DACH1: variants seen among roughly 807,000 people sequenced by gnomAD.
DACH1 encodes the protein dachshund family transcription factor 1, also known as dachshund homolog 1.
A neutral mutation model predicts 54.2 loss-of-function variants in DACH1; 12 were observed. The ratio of observed to expected loss-of-function variants is 0.22; its 90% CI spans 0.14 to 0.36. DACH1 has a LOEUF of 0.36. Among genes scored for constraint, DACH1 ranks in the 10% least tolerant of loss-of-function variants. DACH1 has a pLI of 1.00. For synonymous variants in DACH1, 386 were observed against 366.2 expected (o/e 1.05, Z -0.62); for missense variants, 805 against 929.8 (o/e 0.87, Z 1.75).
At chr13:71,817,809 TC>T (rs1566520411) in intron 1 of DACH1, among the ~76,000 whole-genome samples, 6 of 135,662 alleles carry the variant, frequency 4.4e-5, no homozygotes, top group African/African-American at 1.7e-4. Context: ...TTTCTTTCTT[TC>T]TTCCTTTTTT....
intron 1 of DACH1, among the ~76,000 whole-genome samples, chr13:71,864,180 TACACACACACACAC>T (rs55651625): frequency 3.7e-5 from 4 of 108,426 alleles, no homozygotes; most frequent in South Asian, 6.6e-4. Flanking sequence ...CGCGCGCACA[TACACACACACACAC>T]ACACACACAC....
chr13:71,527,132 T>A (rs1882025350), intron 6 of DACH1, among the ~76,000 whole-genome samples: 1 of 151,894 alleles, frequency 6.6e-6, no homozygotes, highest in Non-Finnish European at 1.5e-5. Flanking sequence ...TTCAATATGT[T>A]TGCAAGATCA....
intron 1 of DACH1, among the ~76,000 whole-genome samples, chr13:71,809,188 T>C (rs1346876042): frequency 1.3e-5 from 2 of 152,146 alleles, no homozygotes; most frequent in Non-Finnish European, 1.5e-5. Flanking sequence ...AAAACAAATA[T>C]GTGAAAAGAA....
intron 10 of DACH1, among the ~76,000 whole-genome samples, chr13:71,452,940 G>A (rs1426672773): frequency 6.6e-6 from 1 of 152,134 alleles, no homozygotes; most frequent in African/African-American, 2.4e-5. Flanking sequence ...AAAACAAAAA[G>A]CAGAGCACAT....
At chr13:71,506,793 C>A (rs926164785) in intron 6 of DACH1, among the ~76,000 whole-genome samples, 1 of 151,814 alleles carries the variant, frequency 6.6e-6, no homozygotes, top group Non-Finnish European at 1.5e-5. Flanking sequence ...CTGAGAAAAA[C>A]AAGCAATGGG....
intron 1 of DACH1, among the ~76,000 whole-genome samples, chr13:71,691,373 G>A (rs1881468819): frequency 6.6e-6 from 1 of 152,116 alleles, no homozygotes; most frequent in African/African-American, 2.4e-5. Context: ...TTCACTATGT[G>A]ATCTAACTCT....
intron 1 of DACH1, among the ~76,000 whole-genome samples, chr13:71,683,468 C>A (rs1881009874): frequency 6.6e-6 from 1 of 152,046 alleles, no homozygotes; most frequent in Non-Finnish European, 1.5e-5. Flanking sequence ...TATGGATATA[C>A]AGGATTGTTT....
chr13:71,485,518 T>G (rs1276937938), intron 7 of DACH1, among the ~76,000 whole-genome samples: 1 of 149,012 alleles, frequency 6.7e-6, no homozygotes, highest in Non-Finnish European at 1.5e-5. Context: ...ACATAGGATT[T>G]TTTTTACAGG....
intron 1 of DACH1, among the ~76,000 whole-genome samples, chr13:71,718,529 T>C (rs1449554560): frequency 6.8e-6 from 1 of 147,806 alleles, no homozygotes; most frequent in Non-Finnish European, 1.5e-5. Context: ...TGAGCTATGA[T>C]CGCATCACTG....
At chr13:71,692,010 TACACACACACACAC>T (rs34800453) in intron 1 of DACH1, among the ~76,000 whole-genome samples, 2 of 140,030 alleles carry the variant, frequency 1.4e-5, no homozygotes, top group African/African-American at 2.6e-5. Flanking sequence ...AGCCCCCCAT[TACACACACACACAC>T]ACACACACAC....
At chr13:71,558,467 A>G (rs1408658675) in intron 5 of DACH1, among the ~76,000 whole-genome samples, 2 of 151,978 alleles carry the variant, frequency 1.3e-5, no homozygotes, top group Non-Finnish European at 2.9e-5. Context: ...CTAAAATAAC[A>G]TGAATGTATA....
intron 1 of DACH1, among the ~76,000 whole-genome samples, chr13:71,843,785 C>T (rs949173045): frequency 1.3e-5 from 2 of 152,200 alleles, no homozygotes; most frequent in African/African-American, 4.8e-5. Context: ...GTACATTGAA[C>T]CAAAGGAAAG....
intron 1 of DACH1, among the ~76,000 whole-genome samples, chr13:71,835,281 C>T (rs1005241683): frequency 6.6e-6 from 1 of 151,730 alleles, no homozygotes; most frequent in African/African-American, 2.4e-5. Context: ...GAGATGTATA[C>T]AAATACAAGA....
At chr13:71,698,875 G>A (rs974999262) in intron 1 of DACH1, among the ~76,000 whole-genome samples, 2 of 151,960 alleles carry the variant, frequency 1.3e-5, no homozygotes, top group African/African-American at 4.8e-5. Context: ...TTAAATCAGA[G>A]AAACACGGAA....
At chr13:71,829,044 C>G (rs73215271) in intron 1 of DACH1, among the ~76,000 whole-genome samples, 14,298 of 151,948 alleles carry the variant, frequency 0.094, 737 homozygotes, top group Non-Finnish European at 0.11. Context: ...CATTTATGTA[C>G]TAACGTAAGA....
chr13:71,487,324 T>C (rs573880221), intron 7 of DACH1, among the ~76,000 whole-genome samples: 1 of 152,292 alleles, frequency 6.6e-6, no homozygotes, highest in African/African-American at 2.4e-5. Flanking sequence ...GAGAGTATAT[T>C]AAATCTAGAG....
chr13:71,719,092 T>C (rs998116555), intron 1 of DACH1, among the ~76,000 whole-genome samples: 1 of 152,198 alleles, frequency 6.6e-6, no homozygotes, highest in African/African-American at 2.4e-5. Context: ...ACCCCAGACA[T>C]CTACACATCT....
At chr13:71,800,138 A>C (rs1887232147) in intron 1 of DACH1, among the ~76,000 whole-genome samples, 1 of 152,070 alleles carries the variant, frequency 6.6e-6, no homozygotes, top group Non-Finnish European at 1.5e-5. Context: ...TTCCTCATTT[A>C]TAAAAAGCGA....
At chr13:71,441,459 C>A (rs1443737544) in intron 10 of DACH1, among the ~76,000 whole-genome samples, 3 of 151,964 alleles carry the variant, frequency 2.0e-5, no homozygotes, top group Non-Finnish European at 2.9e-5. Context: ...ATATTTAATA[C>A]CCTCTAAACT....
Sources: allele counts gnomAD v4.1 joint callset (sites outside exome capture counted in the v4.1 genomes callset), GRCh38; gene constraint gnomAD v4.1.1; transcripts MANE v1.5; gene names NCBI Gene and HGNC (gene_info 2026-07-23, HGNC 2026-07-21).